The following ZNF462 variants were observed in gnomAD, a reference collection of about 807,000 sequenced individuals.
ZNF462 encodes the protein zinc finger protein 462.
Under a neutral mutation model 201.9 loss-of-function variants are expected in ZNF462, and 10 were observed. That is an observed-to-expected ratio of 0.05 (90% CI 0.03 to 0.08). ZNF462 has a LOEUF of 0.08. Ranked by LOEUF, ZNF462 falls within the 10% of genes least tolerant of loss-of-function variation. ZNF462 has a pLI of 1.00. For synonymous variants in ZNF462, 1,227 were observed against 1,193.3 expected (o/e 1.03, Z -0.58); for missense variants, 2,523 against 3,168.3 (o/e 0.80, Z 4.89).
chr9:106,989,077 G>T (rs999934157), intron 10 of ZNF462, among the ~76,000 whole-genome samples: 3 of 152,106 alleles, frequency 2.0e-5, no homozygotes, highest in African/African-American at 4.8e-5. Context: ...GTACTATGTT[G>T]AAGAGGAGTG....
chr9:106,901,922 G>T (rs1051530199), intron 1 of ZNF462, among the ~76,000 whole-genome samples: 1 of 152,030 alleles, frequency 6.6e-6, no homozygotes, highest in East Asian at 1.9e-4. Context: ...TCTTTCTATT[G>T]TCTGATTGCT....
chr9:106,985,047 G>A (rs901323260), intron 10 of ZNF462, among the ~76,000 whole-genome samples: 2 of 152,136 alleles, frequency 1.3e-5, no homozygotes, highest in Admixed American at 6.5e-5. Flanking sequence ...GGAGGTGGAG[G>A]TTGCAGTGAA....
Position 106,927,213 on chromosome 9 carries a change from C to G in ZNF462, c.3301C>G (p.Pro1101Ala), listed in dbSNP as rs372055331. The change falls in exon 3 of 13, where the codon CCC becomes GCC. Residue 1101 changes from proline to alanine, a missense_variant. By Grantham distance (27) the Pro-to-Ala change is conservative. This residue lies in a region of ZNF462 where 280 missense variants were observed against 321.3 expected (regional missense o/e 0.87). Coordinates refer to ENST00000277225, the MANE Select transcript of ZNF462 (RefSeq NM_021224.6). ...PKMSNMGSPP[P>A]PQPPPPDLST... The stretch of plus-strand genomic sequence containing the variant: ...AATGTCCAACATGGGTTCCCCACCC[C>G]CCCCACAACCCCCGCCACCAGACCT... 3.7e-6 allele frequency: 6 copies of G among 1,608,304 alleles called. No individual in the cohort carries two copies. The highest frequency in any genetic ancestry group is 2.7e-5 in the African/African-American group (2 of 74,502).
chr9:106,888,224 G>A (rs978569042), intron 1 of ZNF462, among the ~76,000 whole-genome samples: 7 of 151,144 alleles, frequency 4.6e-5, no homozygotes, highest in African/African-American at 7.3e-5. Flanking sequence ...TGTATTTTTA[G>A]TAGAGACAGG....
chr9:106,932,495 G>A lies in ZNF462; in HGVS notation c.6062G>A (p.Arg2021His), dbSNP rs762238596. The A allele has an allele frequency of 2.5e-5, 40 of 1,614,110 alleles. No homozygotes were observed. Among genetic ancestry groups the A allele is most frequent in the South Asian group, 2.3e-4 (21 of 91,086 alleles). Reference protein sequence around the residue: ...RSHLALAMFTREDKYSCQYCS... With the variant: ...RSHLALAMFTHEDKYSCQYCS... ...CACCTGGCCCTGGCCATGTTTACCCGCGAGGACAAGTACAGCTGCCAGTAT... is the reference window on the plus strand; with the variant it reads ...CACCTGGCCCTGGCCATGTTTACCCACGAGGACAAGTACAGCTGCCAGTAT... Residue 2021 changes from arginine (R) to histidine (H), a missense_variant, in exon 5 of 13, where the codon CGC (arginine) becomes CAC (histidine). Physicochemically the swap from Arg to His is conservative, Grantham distance 29. Around this residue, in one of 15 missense-constraint regions of ZNF462, gnomAD observed 107 missense variants for 187.7 expected, o/e 0.57. Transcript: ENST00000277225. The surrounding 1 kb of genome is among the most constrained non-coding windows in gnomAD (Gnocchi z 6.8).
chr9:106,936,236 C>T (rs145375111), intron 6 of ZNF462, among the ~76,000 whole-genome samples: 4 of 152,296 alleles, frequency 2.6e-5, no homozygotes, highest in African/African-American at 7.2e-5. Flanking sequence ...CTGTTGTTGA[C>T]GTCTGATGTG....
chr9:106,927,473 T>G lies in ZNF462; in HGVS notation c.3561T>G (p.Pro1187=), dbSNP rs1830246230. ...GCAGCTCTGAGAGAGATGGCCCTCC[T>G]GTGGAGAATGAGATGTTCTTTTGCC... is the stretch of plus-strand genomic sequence containing the variant. ...NRSSSERDGP[P]VENEMFFCQH... The change falls in exon 3 of 13, where the codon CCT becomes CCG. Residue 1187 remains proline (P), a synonymous_variant. Coordinates refer to ENST00000277225, the MANE Select transcript of ZNF462 (RefSeq NM_021224.6). The G allele has an allele frequency of 8.1e-6, 13 of 1,609,190 alleles. No homozygotes were observed. Among genetic ancestry groups the G allele is most frequent in the Non-Finnish European group, 1.1e-5 (13 of 1,178,820 alleles).
intron 9 of ZNF462, among the ~76,000 whole-genome samples, chr9:106,980,509 C>A (rs1827338866): frequency 6.6e-6 from 1 of 152,116 alleles, no homozygotes; most frequent in Non-Finnish European, 1.5e-5. Flanking sequence ...GGTGTGGTTT[C>A]TCGCCAATTT....
rs1435601612 is a variant in ZNF462, at chr9:106,930,606, C to T, written c.5929C>T (p.His1977Tyr). 6.2e-7 allele frequency: 1 copy of T among 1,614,106 alleles called. No homozygotes were observed. Among genetic ancestry groups the T allele is most frequent in the Non-Finnish European group, 8.5e-7 (1 of 1,180,024 alleles). ...CAAATGTAAATTCTGTGTGGAAGTG[C>T]ACCCAACGCTCCGAGCCATCTGCAA... Reference protein sequence around the residue: ...GYKCKFCVEVHPTLRAICNHL... With the variant: ...GYKCKFCVEVYPTLRAICNHL... Residue 1977 changes from histidine (H) to tyrosine (Y), a missense_variant, in exon 4 of 13, where the codon CAC becomes TAC. Physicochemically the swap from His to Tyr is moderately conservative, Grantham distance 83. Around this residue, in one of 15 missense-constraint regions of ZNF462, gnomAD observed 107 missense variants for 187.7 expected, o/e 0.57. Transcript: ENST00000277225. This position sits in a 1 kb window ranked among gnomAD's most constrained non-coding sequence, Gnocchi z 5.8.
At chr9:106,990,961 A>G (rs1351823160) in intron 10 of ZNF462, among the ~76,000 whole-genome samples, 2 of 152,060 alleles carry the variant, frequency 1.3e-5, no homozygotes, top group African/African-American at 4.8e-5. Flanking sequence ...GGAAAGATAT[A>G]CAAACACCTG....
intron 1 of ZNF462, among the ~76,000 whole-genome samples, chr9:106,887,049 C>T (rs2130999707): frequency 6.6e-6 from 1 of 152,248 alleles, no homozygotes; most frequent in East Asian, 1.9e-4. Context: ...CATCCTATTT[C>T]CAAATGTTTT....
intron 1 of ZNF462, among the ~76,000 whole-genome samples, chr9:106,914,104 T>C (rs1454576629): frequency 6.7e-6 from 1 of 149,470 alleles, no homozygotes; most frequent in African/African-American, 2.4e-5. Context: ...CATCATGATA[T>C]CATATAGCAT....
At position 106,926,346 on chromosome 9, in the gene ZNF462, G is replaced by A. The variant is rs1489780965; in HGVS notation, c.2434G>A (p.Val812Ile). The change falls in exon 3 of 13, where the codon GTT becomes ATT. Residue 812 changes from valine to isoleucine, a missense_variant. By Grantham distance (29) the Val-to-Ile change is conservative. Coordinates refer to ENST00000277225, the MANE Select transcript of ZNF462 (RefSeq NM_021224.6). The surrounding 1 kb of genome is among the most constrained non-coding windows in gnomAD (Gnocchi z 7.9). ...CTCAACAAACTTGAAAGATCACCAA[G>A]TTTCCAATACTGCTCTGCTGAATAC... is the stretch of plus-strand genomic sequence containing the variant. ...GSSTNLKDHQ[V>I]SNTALLNTQT... is the part of the protein sequence containing the mutation. 7.4e-6 allele frequency: 12 copies of A among 1,614,024 alleles called. No individual in the cohort carries two copies. Among genetic ancestry groups the A allele is most frequent in the African/African-American group, 1.3e-5 (1 of 74,910 alleles).
chr9:106,926,325 A>G lies in ZNF462; in HGVS notation c.2413A>G (p.Thr805Ala). 6.2e-7 allele frequency: 1 copy of G among 1,614,240 alleles called. No homozygotes were observed. Among genetic ancestry groups the G allele is most frequent in the Non-Finnish European group, 8.5e-7 (1 of 1,180,054 alleles). The change falls in exon 3 of 13, where the codon ACA (threonine) becomes GCA (alanine). Residue 805 changes from threonine (T) to alanine (A), a missense_variant. This residue lies in a region of ZNF462 where 383 missense variants were observed against 453.4 expected (regional missense o/e 0.84). Coordinates refer to ENST00000277225, the MANE Select transcript of ZNF462 (RefSeq NM_021224.6). The surrounding 1 kb of genome is among the most constrained non-coding windows in gnomAD (Gnocchi z 7.9). ...EDEEDYYGSS[T>A]NLKDHQVSNT... ...TGAAGAGGATTATTATGGCTCCTCAACAAACTTGAAAGATCACCAAGTTTC... is the reference window on the plus strand; with the variant it reads ...TGAAGAGGATTATTATGGCTCCTCAGCAAACTTGAAAGATCACCAAGTTTC...
chr9:107,012,247 T>C lies in ZNF462; in HGVS notation c.*1217T>C, dbSNP rs1829962274. On this transcript the variant is annotated 3_prime_UTR_variant, in exon 13 of 13. Coordinates refer to ENST00000277225, the MANE Select transcript of ZNF462 (RefSeq NM_021224.6). ...CACGCATTATCCGTCTCATAAATAA[T>C]TTCTGTTAGGATTGGCTGGCTTTTG... 6.6e-6 allele frequency: 1 copy of C among 151,478 alleles called. No homozygotes were observed. The highest frequency in any genetic ancestry group is 6.6e-5 in the Admixed American group (1 of 15,176). 9.4% of individuals were successfully genotyped at this position (151,478 alleles called of 1,614,324 possible).
In ZNF462 at chr9:106,927,499, A is replaced by G. The variant is rs1167449081; in HGVS notation, c.3587A>G (p.Gln1196Arg). 2 of 1,613,168 alleles carry G rather than the reference A, an allele frequency of 1.2e-6. No homozygotes were observed. The highest frequency in any genetic ancestry group is 8.5e-7 in the Non-Finnish European group (1 of 1,179,900). Residue 1196 changes from glutamine (Q) to arginine (R), a missense_variant, in exon 3 of 13, where the codon CAG becomes CGG. Gln to Arg is a conservative substitution (Grantham distance 43). Coordinates refer to ENST00000277225, the MANE Select transcript of ZNF462 (RefSeq NM_021224.6). ...PPVENEMFFC[Q>R]HCDYGNRTVK... ...GTGGAGAATGAGATGTTCTTTTGCC[A>G]GCACTGTGATTATGGGAACCGGACG...
Position 106,880,338 on chromosome 9 carries a change from A to C in ZNF462, c.-31+16983A>C, listed in dbSNP as rs1223837091. ...GGACAGACTGAACAGTTTGCCTGTG[A>C]GAACTTAACAGTGCAGAAATGAATT... On this transcript the variant is annotated intron_variant, in intron 1 of 12. Transcript: ENST00000277225. This position sits in a 1 kb window ranked among gnomAD's most constrained non-coding sequence, Gnocchi z 4.1. Among the ~76,000 whole-genome samples the C allele has an allele frequency of 6.6e-6, 1 of 152,222 alleles. No individual in the cohort carries two copies. The highest frequency in any genetic ancestry group is 1.5e-5 in the Non-Finnish European group (1 of 68,034).
chr9:106,871,582 T>C (rs1457097124), intron 1 of ZNF462, among the ~76,000 whole-genome samples: 2 of 152,208 alleles, frequency 1.3e-5, no homozygotes, highest in African/African-American at 2.4e-5. Flanking sequence ...ATTTGGTACC[T>C]AACACATGTG....
chr9:107,009,458 GGA>G lies in ZNF462; in HGVS notation c.7190-81_7190-80del. 1 of 1,552,110 alleles carries G rather than the reference GGA, an allele frequency of 6.4e-7. No individual in the cohort carries two copies. Among genetic ancestry groups the G allele is most frequent in the Non-Finnish European group, 8.8e-7 (1 of 1,138,040 alleles). On this transcript the variant is annotated intron_variant, in intron 11 of 12. Coordinates refer to ENST00000277225, the MANE Select transcript of ZNF462 (RefSeq NM_021224.6). This position sits in a 1 kb window ranked among gnomAD's most constrained non-coding sequence, Gnocchi z 6.1. ...CCACATGGCTTTATCAGTGAAGGTA[GGA>G]GAGAGGGTATCCTAATGAATGCTGA...
Sources: gnomAD v4.1 joint callset for allele counts (sites outside exome capture counted in the v4.1 genomes callset) on GRCh38, gnomAD v4.1.1 for gene constraint, gnomAD v4.1.1 regional missense constraint, Gnocchi (gnomAD v3.1) non-coding constraint, MANE v1.5 for transcripts, NCBI Gene and HGNC (gene_info 2026-07-23, HGNC 2026-07-21) for gene names.